The following ZNF618 variants were observed in gnomAD, a reference collection of about 807,000 sequenced individuals.
ZNF618 encodes the protein neural precursor cell expressed, developmentally down-regulated 10.
In ZNF618, 34 loss-of-function variants were observed where a neutral mutation model predicts 103.0. The ratio of observed to expected loss-of-function variants is 0.33; its 90% CI spans 0.25 to 0.44. ZNF618 has a LOEUF of 0.44. Among genes scored for constraint, ZNF618 ranks in the 20% least tolerant of loss-of-function variants. ZNF618 has a pLI of 1.00. For synonymous variants in ZNF618, 551 were observed against 542.2 expected (o/e 1.02, Z -0.23); for missense variants, 1,059 against 1,295.4 (o/e 0.82, Z 2.80).
chr9:114,034,779 C>G (rs796448953), intron 12 of ZNF618, among the ~76,000 whole-genome samples: 15 of 152,340 alleles, frequency 9.8e-5, no homozygotes, highest in African/African-American at 3.6e-4. Context: ...CACAGCCGCT[C>G]TTGGTGGCTG....
chr9:114,001,278 T>TGG (rs1331470652), intron 4 of ZNF618, among the ~76,000 whole-genome samples: 2 of 149,508 alleles, frequency 1.3e-5, no homozygotes, highest in South Asian at 2.2e-4. Context: ...GGCAAGGGGC[T>TGG]GGGGGGGCCA....
At chr9:113,970,629 C>T (rs577069857) in intron 2 of ZNF618, among the ~76,000 whole-genome samples, 50 of 152,016 alleles carry the variant, frequency 3.3e-4, no homozygotes, top group African/African-American at 1.2e-3. Flanking sequence ...TTCCCTGTGT[C>T]TGGAATGTTC....
chr9:114,004,642 C>T (rs954252819), intron 6 of ZNF618, among the ~76,000 whole-genome samples: 3 of 152,110 alleles, frequency 2.0e-5, no homozygotes, highest in East Asian at 1.9e-4. Context: ...GGCCATTGCG[C>T]GCTATTTTAT....
At chr9:114,008,699 C>T (rs551712111) in intron 9 of ZNF618, 145 bp downstream of exon 9, 123 of 960,922 alleles carry the variant, frequency 1.3e-4, no homozygotes, top group Admixed American at 2.3e-4. Context: ...TTGGGCCAGT[C>T]AGTGTTAGGA....
chr9:113,936,049 G>A (rs1262663777), intron 1 of ZNF618, among the ~76,000 whole-genome samples: 1 of 152,016 alleles, frequency 6.6e-6, no homozygotes. Context: ...CGAAATCCTG[G>A]GCTCATGTGA....
At chr9:114,035,590 T>A (rs4979331) in intron 12 of ZNF618, among the ~76,000 whole-genome samples, 101 of 151,364 alleles carry the variant, frequency 6.7e-4, no homozygotes, top group African/African-American at 2.3e-3. Context: ...CACCCCTCTT[T>A]CTTTTTCCTC....
rs763913356 is a variant in ZNF618, at chr9:114,023,813, CAG to C, written c.845-4916_845-4915del. ...GCTTAAGTTGTTTCTGATGAAAAGT[CAG>C]AGATCATTCTGATTGTTATTCATCT... On this transcript the variant is annotated intron_variant, in intron 10 of 14. Transcript: ENST00000374126. Among the ~76,000 whole-genome samples the C allele has an allele frequency of 2.0e-5, 3 of 152,030 alleles. 1 individual carries two copies. The East Asian group carries it at 5.8e-4, about 29-fold the overall frequency.
At position 114,049,841 on chromosome 9, in the gene ZNF618, G is replaced by A. The variant is rs763462352; in HGVS notation, c.2539G>A (p.Glu847Lys). 3.1e-6 allele frequency: 5 copies of A among 1,613,934 alleles called. No homozygotes were observed. In the South Asian group the frequency reaches 3.3e-5, roughly 11 times the overall value. The change falls in exon 15 of 15, where the codon GAG (glutamate) becomes AAG (lysine). Residue 847 changes from glutamate (E) to lysine (K), a missense_variant. Glu to Lys is a moderately conservative substitution (Grantham distance 56). Around this residue, in one of 6 missense-constraint regions of ZNF618, gnomAD observed 156 missense variants for 197.1 expected, o/e 0.79. Transcript: ENST00000374126. ...KESWAEEADFEPAAKKPRSAA... is the reference protein window; with the variant it reads ...KESWAEEADFKPAAKKPRSAA... ...GTCCTGGGCCGAGGAGGCCGACTTC[G>A]AGCCCGCTGCCAAGAAGCCCCGCTC...
chr9:114,005,176 T>C (rs1053752723), intron 6 of ZNF618, among the ~76,000 whole-genome samples: 15 of 152,226 alleles, frequency 9.9e-5, no homozygotes, highest in African/African-American at 2.2e-4. Context: ...GCCGCACTTA[T>C]ACCTGGTAGA....
intron 10 of ZNF618, among the ~76,000 whole-genome samples, chr9:114,018,262 C>A (rs1588358754): frequency 6.6e-6 from 1 of 152,224 alleles, no homozygotes; most frequent in Non-Finnish European, 1.5e-5. Context: ...AGTTGACCCA[C>A]TTGTGGTGCT....
At position 113,988,670 on chromosome 9, in the gene ZNF618, C is replaced by T. The variant is rs912416027; in HGVS notation, c.337+90C>T. ...GGAAAAGCGGCCTGGCGCCTCTGCCCCCTTCCTGGCTGAGAGAACCTTTGC... is the reference window on the plus strand; with the variant it reads ...GGAAAAGCGGCCTGGCGCCTCTGCCTCCTTCCTGGCTGAGAGAACCTTTGC... On this transcript the variant is annotated intron_variant, in intron 3 of 14. Transcript: ENST00000374126. 2.7e-6 allele frequency: 4 copies of T among 1,461,496 alleles called. No individual in the cohort carries two copies. The African/African-American group carries it at 4.2e-5, about 15-fold the overall frequency. The allele number at this position is 1,461,496 out of a possible 1,614,324, so 90.5% of individuals were successfully genotyped here. A position where few individuals can be genotyped will look rare whatever the true frequency, so the allele number is the denominator to read the frequency against.
intron 6 of ZNF618, among the ~76,000 whole-genome samples, chr9:114,003,920 C>A (rs1471785156): frequency 6.6e-6 from 1 of 152,134 alleles, no homozygotes; most frequent in Non-Finnish European, 1.5e-5. Context: ...TGGGAACATG[C>A]CAGGAACAGA....
chr9:114,032,886 A>G (rs538291010), intron 12 of ZNF618, among the ~76,000 whole-genome samples, 158 bp downstream of exon 12: 47 of 152,252 alleles, frequency 3.1e-4, no homozygotes, highest in African/African-American at 1.1e-3. Flanking sequence ...GGGAGACCAC[A>G]GAGGCAGGAG....
chr9:113,988,649 A>C, intron 3 of ZNF618, 69 bp downstream of exon 3: 1 of 1,509,008 alleles, frequency 6.6e-7, no homozygotes, highest in Non-Finnish European at 8.8e-7. Context: ...TCCTGGGGAA[A>C]AGCGGCCTGG....
At chr9:113,887,503 G>T (rs1829189438) in intron 1 of ZNF618, among the ~76,000 whole-genome samples, 1 of 152,190 alleles carries the variant, frequency 6.6e-6, no homozygotes. Flanking sequence ...GCAGTTCTGG[G>T]CTTGTTTGGG....
chr9:114,033,376 ACT>A (rs1844269238), intron 12 of ZNF618, among the ~76,000 whole-genome samples: 1 of 144,748 alleles, frequency 6.9e-6, no homozygotes, highest in Admixed American at 6.9e-5. Flanking sequence ...ACAGAGCGAG[ACT>A]CTGTCTCAAA....
intron 1 of ZNF618, among the ~76,000 whole-genome samples, chr9:113,915,284 C>T (rs527473091): frequency 1.3e-5 from 2 of 152,292 alleles, no homozygotes; most frequent in African/African-American, 4.8e-5. Context: ...TGGACCTCAG[C>T]AGAAGATTCT....
In ZNF618 at chr9:113,882,335, A is replaced by G. The variant is rs550823392; in HGVS notation, c.33+5922A>G. Among the ~76,000 whole-genome samples, 24 of 152,280 alleles carry G rather than the reference A, an allele frequency of 1.6e-4. No individual in the cohort carries two copies. In the South Asian group the frequency reaches 1.9e-3, roughly 12 times the overall value. ...CTCTGGTTCTGGAACCACAGCTTCTACATCTGGGAAAAGAGGGTTAATGAT... is the reference window on the plus strand; with the variant it reads ...CTCTGGTTCTGGAACCACAGCTTCTGCATCTGGGAAAAGAGGGTTAATGAT... On this transcript the variant is annotated intron_variant, in intron 1 of 14. Transcript: ENST00000374126.
At chr9:114,021,768 C>T (rs1382153847) in intron 10 of ZNF618, among the ~76,000 whole-genome samples, 1 of 152,058 alleles carries the variant, frequency 6.6e-6, no homozygotes. Flanking sequence ...TAATCTGCTT[C>T]CTATTACTGT....
Sources: allele counts gnomAD v4.1 joint callset (sites outside exome capture counted in the v4.1 genomes callset), GRCh38; gene constraint gnomAD v4.1.1; regional missense constraint gnomAD v4.1.1; transcripts MANE v1.5; gene names NCBI Gene and HGNC (gene_info 2026-07-23, HGNC 2026-07-21).